The following ROBO1 variants were observed in gnomAD, a reference collection of about 807,000 sequenced individuals.
The protein encoded by ROBO1 is roundabout guidance receptor 1, also known as roundabout homolog 1.
Under a neutral mutation model 195.9 loss-of-function variants are expected in ROBO1, and 149 were observed. That is an observed-to-expected ratio of 0.76 (90% CI 0.67 to 0.87). The LOEUF (loss-of-function observed/expected upper bound fraction) is 0.87, where lower values mean the gene tolerates loss of function less well. Among genes scored for constraint, ROBO1 ranks in the 40% least tolerant of loss-of-function variants. The pLI is 0.00. For synonymous variants in ROBO1, 816 were observed against 733.2 expected, an observed-to-expected ratio of 1.11 and a Z score of -1.82; for missense variants, 1,933 against 2,068.3, an observed-to-expected ratio of 0.93 and a Z score of 1.27.
chr3:79,296,165 C>T (rs2032584206), intron 2 of ROBO1, among the ~76,000 whole-genome samples: 1 of 152,094 alleles, frequency 6.6e-6, no homozygotes, highest in Non-Finnish European at 1.5e-5. Flanking sequence ...GGAAACGTCC[C>T]TCTTATCAAA....
intron 4 of ROBO1, among the ~76,000 whole-genome samples, chr3:78,766,063 C>T (rs1473402761): frequency 1.3e-5 from 2 of 152,168 alleles, no homozygotes; most frequent in Non-Finnish European, 2.9e-5. Flanking sequence ...ATTTGTATGA[C>T]TTGGCCAAGT....
At chr3:79,555,957 T>C (rs976031346) in intron 2 of ROBO1, among the ~76,000 whole-genome samples, 3 of 152,142 alleles carry the variant, frequency 2.0e-5, no homozygotes, top group Non-Finnish European at 4.4e-5. Flanking sequence ...TGATTTGCCA[T>C]GTGTGTTGAA....
intron 23 of ROBO1, chr3:78,634,708 T>C (rs972116304): frequency 6.5e-6 from 1 of 153,432 alleles, no homozygotes; most frequent in African/African-American, 2.4e-5. Flanking sequence ...TGTTCATCTT[T>C]GTCAGTTTTT....
At chr3:78,706,871 T>G (rs1415203863) in intron 8 of ROBO1, among the ~76,000 whole-genome samples, 1 of 152,058 alleles carries the variant, frequency 6.6e-6, no homozygotes, top group Admixed American at 6.6e-5. Flanking sequence ...AATGGGAACA[T>G]GAAGGATAAA....
intron 2 of ROBO1, among the ~76,000 whole-genome samples, chr3:79,152,592 C>A (rs574065741): frequency 6.6e-6 from 1 of 151,774 alleles, no homozygotes; most frequent in East Asian, 1.9e-4. Flanking sequence ...ATTCATTATA[C>A]GCAATGACTA....
chr3:78,603,846 T>C (rs1169946226), intron 29 of ROBO1, among the ~76,000 whole-genome samples: 1 of 152,136 alleles, frequency 6.6e-6, no homozygotes, highest in African/African-American at 2.4e-5. Flanking sequence ...GTGATTTCCA[T>C]GATTCCATGG....
intron 2 of ROBO1, among the ~76,000 whole-genome samples, chr3:79,419,868 T>TA (rs1452331186): frequency 6.6e-6 from 1 of 152,108 alleles, no homozygotes; most frequent in African/African-American, 2.4e-5. Context: ...AATCTGACCT[T>TA]AACATCATTT....
At chr3:78,672,902 C>G (rs558776311) in intron 10 of ROBO1, among the ~76,000 whole-genome samples, 1 of 152,148 alleles carries the variant, frequency 6.6e-6, no homozygotes, top group Non-Finnish European at 1.5e-5. Flanking sequence ...ACTTTGGAGT[C>G]AGAAAATGTT....
chr3:79,274,817 G>A (rs370484549), intron 2 of ROBO1, among the ~76,000 whole-genome samples: 2 of 151,864 alleles, frequency 1.3e-5, no homozygotes, highest in East Asian at 1.9e-4. Flanking sequence ...AACAAATACC[G>A]CAGAAATCCG....
At chr3:78,629,928 T>C (rs962687809) in intron 25 of ROBO1, among the ~76,000 whole-genome samples, 4 of 152,156 alleles carry the variant, frequency 2.6e-5, no homozygotes, top group African/African-American at 9.7e-5. Context: ...GTCCTTTTCA[T>C]GGTTTATTTA....
At chr3:79,584,652 CA>C (rs1943769663) in intron 2 of ROBO1, among the ~76,000 whole-genome samples, 1 of 146,426 alleles carries the variant, frequency 6.8e-6, no homozygotes, top group Admixed American at 6.8e-5. Context: ...TTCATACACA[CA>C]CACACACATA....
intron 3 of ROBO1, among the ~76,000 whole-genome samples, chr3:79,023,084 C>T (rs536792158): frequency 4.9e-4 from 75 of 152,240 alleles, no homozygotes; most frequent in African/African-American, 1.8e-3. Context: ...TCTCTGCCTT[C>T]TTAGCTAAAA....
At chr3:79,592,996 A>T (rs1944054124) in intron 1 of ROBO1, among the ~76,000 whole-genome samples, 1 of 152,048 alleles carries the variant, frequency 6.6e-6, no homozygotes, top group Non-Finnish European at 1.5e-5. Flanking sequence ...TAGAGTATAC[A>T]GCCTTTTAAA....
At chr3:78,959,173 A>G (rs1302279071) in intron 3 of ROBO1, among the ~76,000 whole-genome samples, 2 of 152,204 alleles carry the variant, frequency 1.3e-5, no homozygotes, top group Non-Finnish European at 2.9e-5. Context: ...AATTAATCAT[A>G]GTAACTAGTA....
intron 3 of ROBO1, among the ~76,000 whole-genome samples, chr3:78,985,040 G>T (rs1216551655): frequency 6.6e-6 from 1 of 152,070 alleles, no homozygotes; most frequent in Non-Finnish European, 1.5e-5. Flanking sequence ...CTCATGATTT[G>T]CAGTGGCTCG....
intron 1 of ROBO1, among the ~76,000 whole-genome samples, chr3:79,752,927 G>T (rs879837916): frequency 6.6e-6 from 1 of 152,088 alleles, no homozygotes; most frequent in Non-Finnish European, 1.5e-5. Flanking sequence ...TTAAAAGACC[G>T]GAGGCAGTAG....
At chr3:79,455,852 A>G (rs1459002352) in intron 2 of ROBO1, among the ~76,000 whole-genome samples, 2 of 152,184 alleles carry the variant, frequency 1.3e-5, no homozygotes, top group Non-Finnish European at 2.9e-5. Context: ...AAGAATGATT[A>G]CCGAATACGA....
intron 2 of ROBO1, among the ~76,000 whole-genome samples, chr3:79,400,138 A>C (rs1175232139): frequency 6.6e-6 from 1 of 152,268 alleles, no homozygotes; most frequent in Non-Finnish European, 1.5e-5. Flanking sequence ...CAAACTATTA[A>C]ATTAGAAAAA....
intron 4 of ROBO1, among the ~76,000 whole-genome samples, chr3:78,932,522 T>C (rs2039585821): frequency 6.6e-6 from 1 of 152,214 alleles, no homozygotes; most frequent in South Asian, 2.1e-4. Context: ...AACACAGTTA[T>C]ATTGACAGCA....
Sources: gnomAD v4.1 joint callset for allele counts (sites outside exome capture counted in the v4.1 genomes callset) on GRCh38, gnomAD v4.1.1 for gene constraint, MANE v1.5 for transcripts, NCBI Gene and HGNC (gene_info 2026-07-23, HGNC 2026-07-21) for gene names.